Variants in TTC7A observed in about 807,000 individuals in gnomAD.
TTC7A encodes the protein tetratricopeptide repeat domain 7A.
TTC7A carries 110 observed loss-of-function variants against 103.7 expected under a neutral mutation model. That is an observed-to-expected ratio of 1.06 (90% confidence interval 0.91 to 1.24). The LOEUF (loss-of-function observed/expected upper bound fraction) is 1.24, where lower values mean the gene tolerates loss of function less well. TTC7A is among the 50% of genes most tolerant of loss of function. The pLI is 0.00. For missense variants in TTC7A, 1,340 were observed against 1,116.3 expected (o/e 1.20, Z -2.86); for synonymous variants, 521 against 467.9 (o/e 1.11, Z -1.47).
At chr2:47,017,260 A>G (rs1678769039) in intron 11 of TTC7A, among the ~76,000 whole-genome samples, 1 of 150,266 alleles carries the variant, frequency 6.7e-6, no homozygotes, top group African/African-American at 2.5e-5. Flanking sequence ...CATGCCTATC[A>G]TCTCAACATT....
intron 3 of TTC7A, among the ~76,000 whole-genome samples, chr2:46,973,229 G>T (rs1319078375): frequency 6.6e-6 from 1 of 152,236 alleles, no homozygotes; most frequent in African/African-American, 2.4e-5. Flanking sequence ...AAAGTGAAGG[G>T]AAGGGGAGAA....
chr2:47,034,998 T>C (rs10495942), intron 15 of TTC7A, among the ~76,000 whole-genome samples: 5,120 of 152,354 alleles, frequency 0.034, 133 homozygotes, highest in South Asian at 0.1. Flanking sequence ...AGGCATTAGC[T>C]GGAGCCATAC....
At chr2:47,073,001 G>A (rs1396412932) in intron 19 of TTC7A, among the ~76,000 whole-genome samples, 1 of 152,076 alleles carries the variant, frequency 6.6e-6, no homozygotes, top group Admixed American at 6.5e-5. Context: ...GCTTCCCTGT[G>A]CGTGACCCAG....
At chr2:47,061,931 G>C (rs745913472) in intron 19 of TTC7A, among the ~76,000 whole-genome samples, 31 of 152,130 alleles carry the variant, frequency 2.0e-4, no homozygotes, top group Non-Finnish European at 4.3e-4. Context: ...TTAGGGTCTG[G>C]GTTCCACCTT....
At chr2:47,068,402 C>T (rs1251869882) in intron 19 of TTC7A, 4 of 152,136 alleles carry the variant, frequency 2.6e-5, no homozygotes, top group Admixed American at 6.6e-5. Flanking sequence ...TGGCAGGTGG[C>T]TTAGAGGGGT....
chr2:47,073,861 GC>G lies in TTC7A; in HGVS notation c.2518del (p.Glu841SerfsTer90). ...NEAAVDCFLT[A>X]LELEASSPVL... ...GGCTGCCGTTGACTGCTTCCTCACC[GC>G]CCTTGAGCTGGAGGCCAGCAGCCCT... On this transcript the variant is annotated frameshift_variant, in exon 20 of 20. Coordinates refer to ENST00000319190, the MANE Select transcript of TTC7A (RefSeq NM_020458.4). LOFTEE classifies it high-confidence loss of function. 1 of 1,613,650 alleles carries G rather than the reference GC, an allele frequency of 6.2e-7. No individual in the cohort carries two copies. Among genetic ancestry groups the G allele is most frequent in the South Asian group, 1.1e-5 (1 of 91,062 alleles).
intron 2 of TTC7A, among the ~76,000 whole-genome samples, chr2:46,928,058 G>C (rs1199961508): frequency 6.6e-6 from 1 of 151,382 alleles, no homozygotes; most frequent in Non-Finnish European, 1.5e-5. Context: ...CGCCCAGCTA[G>C]TTTTTGCATT....
chr2:46,966,410 TTATATA>T (rs1239251131), intron 3 of TTC7A, among the ~76,000 whole-genome samples: 1 of 152,210 alleles, frequency 6.6e-6, no homozygotes, highest in Non-Finnish European at 1.5e-5. Flanking sequence ...CCCTATAGGA[TTATATA>T]TGCTTTTAAA....
At chr2:46,938,125 C>T (rs77108433), upstream of TTC7A, among the ~76,000 whole-genome samples, 1 of 151,904 alleles carries the variant, frequency 6.6e-6, no homozygotes, top group Non-Finnish European at 1.5e-5. Flanking sequence ...GCCAGATCTC[C>T]AAAACCTCCT....
In TTC7A at chr2:47,062,765, T is replaced by C. The variant is rs182254648; in HGVS notation, c.2355+1794T>C. Among the ~76,000 whole-genome samples the C allele has an allele frequency of 1.6e-4, 25 of 152,372 alleles. No individual in the cohort carries two copies. The South Asian group carries it at 1.7e-3, about 10-fold the overall frequency. ...AGCTATTTTCCTGAAATTGAAGCAG[T>C]TTCCAAGGGTAGGTTTCCATGGTTA... On this transcript the variant is annotated intron_variant, in intron 19 of 19. Transcript: ENST00000319190.
chr2:47,030,292 AAAT>A (rs1680392828), intron 15 of TTC7A, among the ~76,000 whole-genome samples: 1 of 152,184 alleles, frequency 6.6e-6, no homozygotes, highest in African/African-American at 2.4e-5. Context: ...GATTAGGAAA[AAAT>A]TGCTGGGTGA....
In TTC7A at chr2:46,994,569, C is replaced by T. The variant is rs2104388225; in HGVS notation, c.1001+55C>T. Reference sequence around the variant, plus strand: ...CCAGTCTCACATCTCACGCAGGGTTCTGTCCCCACTGGTGGCTTCCTCTTT... The same window carrying T: ...CCAGTCTCACATCTCACGCAGGGTTTTGTCCCCACTGGTGGCTTCCTCTTT... On this transcript the variant is annotated intron_variant, in intron 7 of 19. Transcript: ENST00000319190. 3.8e-6 allele frequency: 6 copies of T among 1,569,512 alleles called. No individual in the cohort carries two copies. The East Asian group carries it at 1.3e-4, about 35-fold the overall frequency.
At chr2:46,973,544 G>C (rs1453479199) in intron 3 of TTC7A, among the ~76,000 whole-genome samples, 1 of 152,222 alleles carries the variant, frequency 6.6e-6, no homozygotes. Context: ...GCTAAGGAAA[G>C]AAAGAAGCCT....
At chr2:46,973,893 G>A (rs1005400841) in intron 3 of TTC7A, among the ~76,000 whole-genome samples, 1 of 152,210 alleles carries the variant, frequency 6.6e-6, no homozygotes, top group Non-Finnish European at 1.5e-5. Context: ...CGTGCCAGGG[G>A]GTGAAAGGGA....
At position 46,971,685 on chromosome 2, in the gene TTC7A, T is replaced by C. The variant is rs187811213; in HGVS notation, c.518-3288T>C. Among the ~76,000 whole-genome samples, 13 of 151,816 alleles carry C rather than the reference T, an allele frequency of 8.6e-5. No individual in the cohort carries two copies. The East Asian group carries it at 2.5e-3, about 29-fold the overall frequency. On this transcript the variant is annotated intron_variant, in intron 3 of 19. Transcript: ENST00000319190. ...GAAGAGAGGAAGGGAAGGTTTGAAG[T>C]GCTGAGGACTTGGTCATTAGGTGGA...
At chr2:47,052,343 G>T (rs934870351) in intron 18 of TTC7A, among the ~76,000 whole-genome samples, 2 of 152,198 alleles carry the variant, frequency 1.3e-5, no homozygotes, top group Admixed American at 6.5e-5. Flanking sequence ...AGGCCAGCCA[G>T]TGTTGGGGAG....
In TTC7A at chr2:46,956,965, C is replaced by A. The variant is rs1443157447; in HGVS notation, c.475C>A (p.Leu159Met). The A allele has an allele frequency of 5.6e-6, 9 of 1,614,060 alleles. No homozygotes were observed. The highest frequency in any genetic ancestry group is 6.8e-6 in the Non-Finnish European group (8 of 1,180,036). ...IDDMSMENKP[L>M]YQMRLLSEAF... is the part of the protein sequence containing the mutation. ...TGACATGTCCATGGAGAACAAGCCC[C>A]TGTATCAGATGCGGCTGCTGTCGGA... Residue 159 changes from leucine (L) to methionine (M), a missense_variant, in exon 3 of 20, where the codon CTG becomes ATG. Physicochemically the swap from Leu to Met is conservative, Grantham distance 15. Transcript: ENST00000319190.
At chr2:47,052,870 G>T (rs186703749) in intron 18 of TTC7A, among the ~76,000 whole-genome samples, 2 of 152,238 alleles carry the variant, frequency 1.3e-5, no homozygotes, top group East Asian at 3.9e-4. Context: ...CCATCATGGG[G>T]GTGTGCTATT....
At chr2:47,018,212 G>T (rs1316803867) in intron 11 of TTC7A, among the ~76,000 whole-genome samples, 1 of 151,130 alleles carries the variant, frequency 6.6e-6, no homozygotes, top group Non-Finnish European at 1.5e-5. Context: ...GGGAGGCAGA[G>T]GTTGCAGTGA....
Sources: allele counts gnomAD v4.1 joint callset (sites outside exome capture counted in the v4.1 genomes callset), GRCh38; gene constraint gnomAD v4.1.1; transcripts MANE v1.5; gene names NCBI Gene and HGNC (gene_info 2026-07-23, HGNC 2026-07-21).